SYNJ2: variants seen among roughly 807,000 people sequenced by gnomAD.
SYNJ2 encodes synaptojanin 2, also known as polyphosphatidylinositol phosphatase SYNJ2.
Under a neutral mutation model 141.3 loss-of-function variants are expected in SYNJ2, and 116 were observed. That is an observed-to-expected ratio of 0.82 (90% confidence interval 0.71 to 0.96). SYNJ2 has a LOEUF of 0.96. SYNJ2 is among the 40% of genes least tolerant of loss of function. SYNJ2 has a pLI of 0.00. For missense variants in SYNJ2, 1,873 were observed against 1,934.8 expected, an observed-to-expected ratio of 0.97 and a Z score of 0.60; for synonymous variants, 745 against 777.7, an observed-to-expected ratio of 0.96 and a Z score of 0.70.
rs578044195 is a variant in SYNJ2 at position 158,048,218 on chromosome 6, C to T, written c.795+4819C>T. Among the ~76,000 whole-genome samples, 12 of 152,058 alleles carry T rather than the reference C, an allele frequency of 7.9e-5. No homozygotes were observed. In the South Asian group the frequency reaches 8.3e-4, roughly 11 times the overall value. ...CCGTGTTGGAGGAAGGGAGAGGCCC[C>T]GGGGGCAGCTCTCCCAGGCTGAGGG... On this transcript the variant is annotated intron_variant, in intron 5 of 26. Transcript: ENST00000355585.
chr6:158,076,428 C>T (rs1357572182), intron 16 of SYNJ2, among the ~76,000 whole-genome samples, 198 bp from the exon 17 acceptor site: 1 of 152,104 alleles, frequency 6.6e-6, no homozygotes. Flanking sequence ...GGCGGTGTGT[C>T]CCTCAGTGGG....
intron 25 of SYNJ2, among the ~76,000 whole-genome samples, chr6:158,092,060 C>T (rs779772051): frequency 1.3e-5 from 2 of 150,332 alleles, no homozygotes; most frequent in Non-Finnish European, 2.9e-5. Context: ...GAATGGTACA[C>T]TTAGAAAGGG....
intron 1 of SYNJ2, among the ~76,000 whole-genome samples, chr6:158,011,853 C>A (rs931970284): frequency 6.6e-6 from 1 of 152,190 alleles, no homozygotes; most frequent in Non-Finnish European, 1.5e-5. Flanking sequence ...TGGATCATAC[C>A]AGGGCATACG....
In SYNJ2 at chr6:158,040,816, T is replaced by G. The variant is rs543265951; in HGVS notation, c.712-2500T>G. On this transcript the variant is annotated intron_variant, in intron 4 of 26. Transcript: ENST00000355585. The surrounding 1 kb of genome is among the most constrained non-coding windows in gnomAD (Gnocchi z 4.2). ...TCACTCAGGGTCACCCTCTGGCTGC[T>G]CAGTCTGGGGTCTAGGCACTGGCCT... is the stretch of plus-strand genomic sequence containing the variant. Among the ~76,000 whole-genome samples the G allele has an allele frequency of 6.6e-6, 1 of 152,314 alleles. No individual in the cohort carries two copies. Among genetic ancestry groups the G allele is most frequent in the African/African-American group, 2.4e-5 (1 of 41,564 alleles).
intron 2 of SYNJ2, among the ~76,000 whole-genome samples, chr6:158,026,147 C>G (rs549605135): frequency 1.3e-5 from 2 of 152,186 alleles, no homozygotes; most frequent in African/African-American, 2.4e-5. Flanking sequence ...ATTCAGCTTC[C>G]CTGGGGGACA....
rs116891157 is a variant in SYNJ2, at chr6:158,012,869, G to A, written c.128-4335G>A. On this transcript the variant is annotated intron_variant, in intron 1 of 26. Transcript: ENST00000355585. ...GCAGAGTCTGCTTAGTCCTCAAGAC[G>A]AGGGGCTTCTGCTGCTCTCAGAGGT... Among the ~76,000 whole-genome samples the A allele has an allele frequency of 5.2e-3, 793 of 152,284 alleles. 4 individuals carry two copies. Among genetic ancestry groups the A allele is most frequent in the Non-Finnish European group, 8.5e-3 (579 of 68,038 alleles).
At chr6:158,089,751 T>C in intron 24 of SYNJ2, 88 bp from the exon 25 acceptor site, 1 of 923,972 alleles carries the variant, frequency 1.1e-6, no homozygotes. Flanking sequence ...GGTGGAGCCC[T>C]GCACAGACCC....
intron 12 of SYNJ2, 150 bp downstream of exon 12, chr6:158,066,785 C>T: frequency 1.1e-6 from 1 of 901,892 alleles, no homozygotes; most frequent in Non-Finnish European, 1.7e-6. Flanking sequence ...GCCTGACTCT[C>T]AAGAATGCTG....
At chr6:158,034,686 G>T (rs1396622035) in intron 4 of SYNJ2, among the ~76,000 whole-genome samples, 2 of 152,220 alleles carry the variant, frequency 1.3e-5, no homozygotes, top group Admixed American at 1.3e-4. Context: ...GGATATCAAC[G>T]AGGCTATTAT....
intron 8 of SYNJ2, 69 bp downstream of exon 8, chr6:158,062,233 T>C (rs1583436994): frequency 7.0e-6 from 11 of 1,569,464 alleles, no homozygotes; most frequent in Non-Finnish European, 8.6e-6. Context: ...TGAGGCTCGC[T>C]GCGTGCTGTG....
At position 158,043,254 on chromosome 6, in the gene SYNJ2, C is replaced by T. The variant is rs1780050532; in HGVS notation, c.712-62C>T. On this transcript the variant is annotated intron_variant, in intron 4 of 26. Transcript: ENST00000355585. This position sits in a 1 kb window ranked among gnomAD's most constrained non-coding sequence, Gnocchi z 4.0. ...TCACAGGTGGCCGGATCCCGTTACC[C>T]AGCCCAGGACGTTCGGTTTCATTGA... The T allele has an allele frequency of 1.1e-5, 17 of 1,491,220 alleles. No homozygotes were observed. Among genetic ancestry groups the T allele is most frequent in the Non-Finnish European group, 1.5e-5 (16 of 1,073,538 alleles). The allele number at this position is 1,491,220 out of a possible 1,614,324, so 92.4% of individuals were successfully genotyped here.
intron 1 of SYNJ2, among the ~76,000 whole-genome samples, chr6:157,990,178 G>T (rs1777367624): frequency 6.6e-6 from 1 of 151,862 alleles, no homozygotes; most frequent in Non-Finnish European, 1.5e-5. Context: ...TTGTGCTTGT[G>T]CCCCAGGCCC....
At position 158,010,701 on chromosome 6, in the gene SYNJ2, G is replaced by A. The variant is rs983625282; in HGVS notation, c.128-6503G>A. Among the ~76,000 whole-genome samples the A allele has an allele frequency of 4.6e-5, 7 of 152,216 alleles. No individual in the cohort carries two copies. The East Asian group carries it at 1.2e-3, about 25-fold the overall frequency. On this transcript the variant is annotated intron_variant, in intron 1 of 26. Transcript: ENST00000355585. The stretch of plus-strand genomic sequence containing the variant: ...GTTGTTGCAGTTGTAACGCTGAGAT[G>A]AGATTATACTGGAGTAGGGTGGGCC...
At chr6:158,033,197 A>C (rs898601740) in intron 3 of SYNJ2, among the ~76,000 whole-genome samples, 4 of 152,322 alleles carry the variant, frequency 2.6e-5, no homozygotes, top group Admixed American at 2.6e-4. Context: ...ACGACCTGGT[A>C]GTGGCTTTGG....
intron 24 of SYNJ2, 44 bp downstream of exon 24, chr6:158,088,816 C>G: frequency 7.1e-7 from 1 of 1,408,256 alleles, no homozygotes; most frequent in Non-Finnish European, 1.0e-6. Flanking sequence ...GTTTTGCCCC[C>G]GGGATAGTGT....
At chr6:158,076,537 A>C (rs1366928566) in intron 16 of SYNJ2, 89 bp from the exon 17 acceptor site, 1 of 1,400,760 alleles carries the variant, frequency 7.1e-7, no homozygotes, top group Non-Finnish European at 9.7e-7. Context: ...TTTTAAGAAT[A>C]GGGACTTGCC....
At chr6:157,990,331 T>TCC (rs1450809844) in intron 1 of SYNJ2, among the ~76,000 whole-genome samples, 6 of 143,364 alleles carry the variant, frequency 4.2e-5, no homozygotes, top group Non-Finnish European at 7.4e-5. Flanking sequence ...CTCTCATGCC[T>TCC]TCTTCTCCTT....
intron 8 of SYNJ2, among the ~76,000 whole-genome samples, chr6:158,063,043 A>G (rs913761064): frequency 2.0e-5 from 3 of 152,172 alleles, no homozygotes; most frequent in Admixed American, 2.0e-4. Flanking sequence ...GCAAATATAT[A>G]TATTCAATAA....
At chr6:158,092,868 A>T in intron 25 of SYNJ2, 58 bp from the exon 26 acceptor site, 1 of 1,480,916 alleles carries the variant, frequency 6.8e-7, no homozygotes, top group Non-Finnish European at 9.1e-7. Flanking sequence ...CTAAGGACGA[A>T]ATCATGCAGT....
Sources: allele counts gnomAD v4.1 joint callset (sites outside exome capture counted in the v4.1 genomes callset), GRCh38; gene constraint gnomAD v4.1.1; non-coding constraint Gnocchi (gnomAD v3.1); transcripts MANE v1.5; gene names NCBI Gene and HGNC (gene_info 2026-07-23, HGNC 2026-07-21).